The following DSCAM variants were observed in gnomAD, a reference collection of about 807,000 sequenced individuals.
The protein encoded by DSCAM is cell adhesion molecule DSCAM.
A neutral mutation model predicts 217.7 loss-of-function variants in DSCAM; 47 were observed. That is an observed-to-expected ratio of 0.22 (90% CI 0.17 to 0.28). The LOEUF (loss-of-function observed/expected upper bound fraction) is 0.28, where lower values mean the gene tolerates loss of function less well. Ranked by LOEUF, DSCAM falls within the 10% of genes least tolerant of loss-of-function variation. DSCAM has a pLI of 1.00. For synonymous variants in DSCAM, 1,056 were observed against 1,015.3 expected, an observed-to-expected ratio of 1.04 and a Z score of -0.76; for missense variants, 2,080 against 2,618.3, an observed-to-expected ratio of 0.79 and a Z score of 4.49.
intron 1 of DSCAM, among the ~76,000 whole-genome samples, chr21:40,766,528 G>A (rs2091391367): frequency 6.6e-6 from 1 of 151,926 alleles, no homozygotes; most frequent in Non-Finnish European, 1.5e-5. Context: ...TCCCCTGGGA[G>A]TTTTACTGAA....
chr21:40,479,652 T>C (rs1035055933), intron 3 of DSCAM, among the ~76,000 whole-genome samples: 2 of 152,128 alleles, frequency 1.3e-5, no homozygotes, highest in Non-Finnish European at 1.5e-5. Context: ...GAGAACAGCA[T>C]GGGTAAACCT....
intron 16 of DSCAM, among the ~76,000 whole-genome samples, chr21:40,147,261 C>T (rs1225313467): frequency 6.6e-6 from 1 of 152,140 alleles, no homozygotes; most frequent in Non-Finnish European, 1.5e-5. Context: ...TAGCTAAATC[C>T]TCCACAAGAA....
At chr21:40,338,044 T>G (rs1323361705) in intron 8 of DSCAM, 57 bp downstream of exon 8, 23 of 1,586,148 alleles carry the variant, frequency 1.5e-5, no homozygotes, top group Non-Finnish European at 2.0e-5. Context: ...ATCATTGGTC[T>G]GGGAAGTAGT....
chr21:40,261,680 C>T (rs2073453731), intron 11 of DSCAM, among the ~76,000 whole-genome samples: 1 of 151,464 alleles, frequency 6.6e-6, no homozygotes, highest in African/African-American at 2.4e-5. Flanking sequence ...CACACACACA[C>T]ACACACATTC....
At chr21:40,796,169 C>G (rs536836110) in intron 1 of DSCAM, among the ~76,000 whole-genome samples, 1 of 152,202 alleles carries the variant, frequency 6.6e-6, no homozygotes, top group African/African-American at 2.4e-5. Context: ...TGTCTATACA[C>G]GCTGTGTGCA....
intron 3 of DSCAM, among the ~76,000 whole-genome samples, chr21:40,524,060 AC>A (rs1481945354): frequency 2.6e-5 from 4 of 152,214 alleles, no homozygotes; most frequent in African/African-American, 9.6e-5. Context: ...TCGGCTTATA[AC>A]AAAAAATGCC....
At chr21:40,410,726 AAAAACTGTT>A (rs1226543068) in intron 3 of DSCAM, among the ~76,000 whole-genome samples, 1 of 151,868 alleles carries the variant, frequency 6.6e-6, no homozygotes, top group Non-Finnish European at 1.5e-5. Flanking sequence ...GTTTTCAAAG[AAAAACTGTT>A]GATATAGAAT....
chr21:40,750,832 T>C (rs1238465296), intron 1 of DSCAM, among the ~76,000 whole-genome samples: 1 of 152,142 alleles, frequency 6.6e-6, no homozygotes, highest in Admixed American at 6.6e-5. Context: ...CAGAAAATCC[T>C]ACACTCAGCC....
chr21:40,044,102 T>C lies in DSCAM; in HGVS notation c.5359A>G (p.Ser1787Gly), dbSNP rs2088803487. The change falls in exon 31 of 33, where the codon AGC becomes GGC. Residue 1787 changes from serine (S) to glycine (G), a missense_variant. Physicochemically the swap from Ser to Gly is moderately conservative, Grantham distance 56. This residue lies in a region of DSCAM where 1,144 missense variants were observed against 1,421.1 expected (regional missense o/e 0.81). Transcript: ENST00000400454. ...CCTGTGTCTTGCGAGGGGCTGACGC[T>C]GTAACTGTCGCTCTCTTTGTCTACT... The part of the protein sequence containing the change: ...GSVDKESDSY[S>G]VSPSQDTDRA... 1 of 1,613,808 alleles carries C rather than the reference T, an allele frequency of 6.2e-7. No individual in the cohort carries two copies. Among genetic ancestry groups the C allele is most frequent in the Non-Finnish European group, 8.5e-7 (1 of 1,180,042 alleles).
intron 20 of DSCAM, among the ~76,000 whole-genome samples, chr21:40,117,001 C>CAAAAAAAA (rs534100380): frequency 1.5e-4 from 5 of 33,180 alleles, no homozygotes; most frequent in African/African-American, 5.3e-4. Flanking sequence ...GACTCTGTCT[C>CAAAAAAAA]AAAAAAAAAA....
At chr21:40,506,182 G>C (rs1160453565) in intron 3 of DSCAM, among the ~76,000 whole-genome samples, 1 of 152,212 alleles carries the variant, frequency 6.6e-6, no homozygotes, top group Non-Finnish European at 1.5e-5. Flanking sequence ...AGATGAATGA[G>C]CATCGGCTAG....
At chr21:40,379,385 G>T (rs575787265) in intron 3 of DSCAM, among the ~76,000 whole-genome samples, 1 of 152,308 alleles carries the variant, frequency 6.6e-6, no homozygotes, top group African/African-American at 2.4e-5. Context: ...ATAAATTTAG[G>T]ATGATGTTGC....
intron 30 of DSCAM, among the ~76,000 whole-genome samples, chr21:40,045,535 G>A (rs970195039): frequency 1.3e-5 from 2 of 152,218 alleles, no homozygotes; most frequent in African/African-American, 4.8e-5. Flanking sequence ...AGCAGAGACT[G>A]TCAGGTACCA....
chr21:40,544,657 G>T (rs937511028), intron 3 of DSCAM, among the ~76,000 whole-genome samples: 4 of 152,142 alleles, frequency 2.6e-5, no homozygotes, highest in Non-Finnish European at 5.9e-5. Flanking sequence ...CGACCCTGCT[G>T]ACACCTTGAT....
chr21:40,299,473 A>G lies in DSCAM; in HGVS notation c.2063-3299T>C, dbSNP rs373192349. On this transcript the variant is annotated intron_variant, in intron 9 of 32. Transcript: ENST00000400454. ...CCTGAGGCCACACCCCTCAGATCTG[A>G]CACCTTAAGAATATGCTTGGGTTGA... 2.0e-5 allele frequency among the ~76,000 whole-genome samples: 3 copies of G among 152,112 alleles called. No homozygotes were observed. The South Asian group carries it at 6.2e-4, about 32-fold the overall frequency.
At chr21:40,013,556 C>T (rs772192032) in intron 32 of DSCAM, among the ~76,000 whole-genome samples, 170 bp from the exon 33 acceptor site, 8 of 152,186 alleles carry the variant, frequency 5.3e-5, no homozygotes, top group African/African-American at 9.7e-5. Flanking sequence ...CAGGTGGAAT[C>T]GTCCTCCTAC....
At chr21:40,545,227 T>C (rs1248618156) in intron 3 of DSCAM, among the ~76,000 whole-genome samples, 1 of 152,202 alleles carries the variant, frequency 6.6e-6, no homozygotes, top group African/African-American at 2.4e-5. Context: ...ACTGGTGCTT[T>C]GATTGTGGAT....
chr21:40,072,979 C>G (rs1423901414), intron 27 of DSCAM, among the ~76,000 whole-genome samples: 1 of 152,126 alleles, frequency 6.6e-6, no homozygotes, highest in Non-Finnish European at 1.5e-5. Flanking sequence ...AAAATGCCAG[C>G]CCCAGGATGT....
At chr21:40,739,896 C>T (rs2091105427) in intron 1 of DSCAM, among the ~76,000 whole-genome samples, 1 of 149,496 alleles carries the variant, frequency 6.7e-6, no homozygotes, top group South Asian at 2.1e-4. Flanking sequence ...ATATTCAGTC[C>T]ATCATCACAA....
Sources: allele counts gnomAD v4.1 joint callset (sites outside exome capture counted in the v4.1 genomes callset), GRCh38; gene constraint gnomAD v4.1.1; regional missense constraint gnomAD v4.1.1; transcripts MANE v1.5; gene names NCBI Gene and HGNC (gene_info 2026-07-23, HGNC 2026-07-21).